Variants in VPS13A observed in about 807,000 individuals in gnomAD.
The protein encoded by VPS13A is intermembrane lipid transfer protein VPS13A.
In VPS13A, 264 loss-of-function variants were observed where a neutral mutation model predicts 390.9. That is an observed-to-expected ratio of 0.68 (90% CI 0.61 to 0.75). The LOEUF (loss-of-function observed/expected upper bound fraction) is 0.75, where lower values mean the gene tolerates loss of function less well. VPS13A is among the 30% of genes least tolerant of loss of function. The pLI, the probability that VPS13A is intolerant of heterozygous loss-of-function variation, is 0.00. For missense variants in VPS13A, 3,409 were observed against 3,733.9 expected (o/e 0.91, Z 2.27); for synonymous variants, 1,231 against 1,227.1 (o/e 1.00, Z -0.07).
intron 60 of VPS13A, 68 bp from the exon 61 acceptor site, chr9:77,366,659 T>C: frequency 7.2e-7 from 1 of 1,398,004 alleles, no homozygotes; most frequent in Admixed American, 2.0e-5. Flanking sequence ...ATTAAACTGA[T>C]TTTTTAAGAG....
intron 45 of VPS13A, among the ~76,000 whole-genome samples, chr9:77,324,681 GTCTT>G (rs1292966928): frequency 2.0e-5 from 3 of 152,096 alleles, no homozygotes; most frequent in Non-Finnish European, 4.4e-5. Flanking sequence ...TTCAATGTCT[GTCTT>G]TCTGTCTTTC....
At chr9:77,372,925 C>G (rs1358186355) in intron 67 of VPS13A, among the ~76,000 whole-genome samples, 1 of 151,802 alleles carries the variant, frequency 6.6e-6, no homozygotes, top group Non-Finnish European at 1.5e-5. Flanking sequence ...ATCCAACTTA[C>G]AAGGGATGTG....
chr9:77,191,618 A>C (rs1044234829), intron 1 of VPS13A, among the ~76,000 whole-genome samples: 8 of 152,148 alleles, frequency 5.3e-5, no homozygotes, highest in African/African-American at 1.9e-4. Flanking sequence ...TCTGGATTTC[A>C]GTGAAATTAA....
intron 17 of VPS13A, among the ~76,000 whole-genome samples, chr9:77,228,887 C>T (rs1179713420): frequency 6.6e-6 from 1 of 152,002 alleles, no homozygotes; most frequent in Non-Finnish European, 1.5e-5. Flanking sequence ...TGCTAAAAAC[C>T]ATCAGATCTC....
intron 26 of VPS13A, among the ~76,000 whole-genome samples, chr9:77,278,890 C>T (rs1826849007): frequency 6.6e-6 from 1 of 152,130 alleles, no homozygotes; most frequent in Non-Finnish European, 1.5e-5. Flanking sequence ...TTATTCCCCT[C>T]GCAGGACATG....
chr9:77,284,091 C>T (rs1252032968), intron 31 of VPS13A, among the ~76,000 whole-genome samples: 1 of 150,960 alleles, frequency 6.6e-6, no homozygotes, highest in East Asian at 1.9e-4. Flanking sequence ...TCACTAGTAT[C>T]GTTGTTGTAA....
intron 9 of VPS13A, 51 bp downstream of exon 9, chr9:77,213,365 G>A: frequency 6.9e-7 from 1 of 1,442,074 alleles, no homozygotes; most frequent in Non-Finnish European, 9.7e-7. Context: ...TTTGCATGAG[G>A]TTTAATTCAT....
intron 69 of VPS13A, among the ~76,000 whole-genome samples, chr9:77,404,817 GTC>G (rs1834525330): frequency 6.6e-6 from 1 of 152,186 alleles, no homozygotes; most frequent in African/African-American, 2.4e-5. Context: ...TGGCCAGCCT[GTC>G]TGTGATTTTT....
chr9:77,302,305 C>T (rs1221245841), intron 33 of VPS13A, among the ~76,000 whole-genome samples: 1 of 149,992 alleles, frequency 6.7e-6, no homozygotes, highest in Non-Finnish European at 1.5e-5. Flanking sequence ...CAACTTACAA[C>T]TTATATACTT....
intron 17 of VPS13A, among the ~76,000 whole-genome samples, chr9:77,228,896 T>C (rs1823668184): frequency 6.6e-6 from 1 of 151,956 alleles, no homozygotes; most frequent in Admixed American, 6.6e-5. Flanking sequence ...CCATCAGATC[T>C]CATGAGACTT....
chr9:77,239,838 C>T (rs1824365137), intron 19 of VPS13A, among the ~76,000 whole-genome samples: 2 of 151,866 alleles, frequency 1.3e-5, no homozygotes, highest in African/African-American at 4.8e-5. Context: ...TCCCTACAAT[C>T]TACTATTGGG....
chr9:77,238,221 A>G, intron 18 of VPS13A, 30 bp downstream of exon 18: 1 of 1,607,806 alleles, frequency 6.2e-7, no homozygotes, highest in Admixed American at 1.7e-5. Flanking sequence ...ACTAAGTTTT[A>G]ATATAATTTA....
intron 45 of VPS13A, among the ~76,000 whole-genome samples, chr9:77,327,769 G>C (rs62573228): frequency 0.035 from 5,376 of 151,930 alleles, 118 homozygotes; most frequent in Non-Finnish European, 0.052. Flanking sequence ...ACCTCTTCAG[G>C]CTCCAATTCT....
rs542021426 is a variant in VPS13A, at chr9:77,237,513, T to C, written c.1596-489T>C. On this transcript the variant is annotated intron_variant, in intron 17 of 71. Coordinates refer to ENST00000360280, the MANE Select transcript of VPS13A (RefSeq NM_033305.3). ...CCGAGTAGCTGGGACTACAGGCTCA[T>C]GCCCCCACACCTGGCTAACTTTTGT... 2.0e-5 allele frequency among the ~76,000 whole-genome samples: 3 copies of C among 152,048 alleles called. No homozygotes were observed. In the South Asian group the frequency reaches 6.2e-4, roughly 32 times the overall value.
chr9:77,403,485 A>T (rs913741302), intron 69 of VPS13A, among the ~76,000 whole-genome samples, 164 bp downstream of exon 69: 1 of 152,214 alleles, frequency 6.6e-6, no homozygotes, highest in African/African-American at 2.4e-5. Context: ...AATTTCCTGC[A>T]TAGCTTTGTG....
chr9:77,408,612 C>T (rs535520009), intron 71 of VPS13A, among the ~76,000 whole-genome samples: 59 of 152,328 alleles, frequency 3.9e-4, no homozygotes, highest in Middle Eastern at 3.4e-3. Context: ...GCTTTTCCAA[C>T]GGTCTTAGCA....
At chr9:77,187,005 T>G (rs1193593693) in intron 1 of VPS13A, among the ~76,000 whole-genome samples, 1 of 152,236 alleles carries the variant, frequency 6.6e-6, no homozygotes, top group Non-Finnish European at 1.5e-5. Flanking sequence ...TATTGGTTTC[T>G]TTTACTTGGC....
chr9:77,327,539 G>A (rs961089498), intron 45 of VPS13A, among the ~76,000 whole-genome samples: 4 of 151,610 alleles, frequency 2.6e-5, no homozygotes, highest in African/African-American at 9.7e-5. Context: ...AGTAGATTTT[G>A]GTAAGATATA....
chr9:77,180,566 G>A (rs747852896), intron 1 of VPS13A, among the ~76,000 whole-genome samples: 1 of 152,128 alleles, frequency 6.6e-6, no homozygotes, highest in Non-Finnish European at 1.5e-5. Flanking sequence ...AGGAAGTTTT[G>A]TAGTTTTAGG....
Sources: allele counts gnomAD v4.1 joint callset (sites outside exome capture counted in the v4.1 genomes callset), GRCh38; gene constraint gnomAD v4.1.1; transcripts MANE v1.5; gene names NCBI Gene and HGNC (gene_info 2026-07-23, HGNC 2026-07-21).